CLEC12A: variants seen among roughly 807,000 people sequenced by gnomAD.
CLEC12A encodes the protein C-type lectin domain family 12 member A.
Under a neutral mutation model 26.5 loss-of-function variants are expected in CLEC12A, and 22 were observed. The observed-to-expected ratio is 0.83, with a 90% CI of 0.59 to 1.19. The LOEUF (loss-of-function observed/expected upper bound fraction) is 1.19. Ranked by LOEUF, CLEC12A falls within the 50% of genes most tolerant of loss-of-function variation. The probability of loss-of-function intolerance (pLI) is 0.00; values close to 1 mark genes in which losing one functional copy is unlikely to be tolerated. For missense variants in CLEC12A, 353 were observed against 315.6 expected, an observed-to-expected ratio of 1.12 and a Z score of -0.90; for synonymous variants, 119 against 101.9, an observed-to-expected ratio of 1.17 and a Z score of -1.01.
intron 1 of CLEC12A, among the ~76,000 whole-genome samples, chr12:9,971,913 A>G (rs1864143178): frequency 6.6e-6 from 1 of 152,128 alleles, no homozygotes; most frequent in African/African-American, 2.4e-5. Context: ...CATTTTTGAA[A>G]TTTTTTATTA....
chr12:9,989,242 T>C (rs999185373), downstream of CLEC12A, among the ~76,000 whole-genome samples: 43 of 151,156 alleles, frequency 2.8e-4, no homozygotes, highest in Non-Finnish European at 1.6e-4. Flanking sequence ...AGGGATAGCA[T>C]TAGGAGATAC....
upstream of CLEC12A, among the ~76,000 whole-genome samples, chr12:9,970,795 C>T (rs1193027085): frequency 1.3e-5 from 2 of 152,170 alleles, no homozygotes; most frequent in Non-Finnish European, 2.9e-5. Context: ...TATGCATACT[C>T]TCTGGTGTGG....
At chr12:9,982,556 A>T (rs1383810835) in intron 5 of CLEC12A, among the ~76,000 whole-genome samples, 1 of 152,130 alleles carries the variant, frequency 6.6e-6, no homozygotes, top group Non-Finnish European at 1.5e-5. Flanking sequence ...TAGTGTGATA[A>T]ATGCTTCAGT....
chr12:9,957,085 G>C (rs760107827), intron 1 of CLEC12A, among the ~76,000 whole-genome samples: 5 of 152,180 alleles, frequency 3.3e-5, no homozygotes, highest in Non-Finnish European at 5.9e-5. Context: ...TTTTGCCAAG[G>C]GTAGGGATAT....
chr12:9,998,151 C>T, downstream of CLEC12A: 2 of 685,044 alleles, frequency 2.9e-6, no homozygotes, highest in Non-Finnish European at 5.3e-6. Flanking sequence ...ATTCTCTTGG[C>T]AACTATCTGT....
intron 4 of CLEC12A, chr12:9,993,357 T>G (rs762072167): frequency 2.2e-6 from 3 of 1,336,972 alleles, no homozygotes; most frequent in East Asian, 2.3e-5. Flanking sequence ...ACTCTGCGTA[T>G]AGTAGTTTGA....
intron 1 of CLEC12A, chr12:9,952,066 C>T (rs1206239523): frequency 6.8e-6 from 1 of 146,198 alleles, no homozygotes; most frequent in Admixed American, 7.0e-5. Flanking sequence ...CTTTAAAAAT[C>T]AAACTGTCAG....
In CLEC12A at chr12:9,982,129, GGTAA is replaced by G. The variant is rs1591835408; in HGVS notation, c.641+3_641+6del. 6.8e-7 allele frequency: 1 copy of G among 1,480,176 alleles called. No homozygotes were observed. The highest frequency in any genetic ancestry group is 9.4e-7 in the Non-Finnish European group (1 of 1,059,452). 91.7% of individuals were successfully genotyped at this position (1,480,176 alleles called of 1,614,324 possible). A position where few individuals can be genotyped will look rare whatever the true frequency, so the allele number is the denominator to read the frequency against. ...GATAATATAATCAACTCCTCTGCCTGGTAAGTGTCTATTCTTGTTAGAATTTTAT... is the reference window on the plus strand; with the variant it reads ...GATAATATAATCAACTCCTCTGCCTGGTGTCTATTCTTGTTAGAATTTTAT... On this transcript the variant is annotated splice_donor_variant and splice_donor_region_variant and intron_variant, in intron 5 of 5. Coordinates refer to ENST00000304361, the MANE Select transcript of CLEC12A (RefSeq NM_138337.6). LOFTEE classifies it high-confidence loss of function.
intron 4 of CLEC12A, chr12:9,992,938 T>C: frequency 6.3e-6 from 3 of 479,510 alleles, no homozygotes; most frequent in Non-Finnish European, 1.1e-5. Context: ...AATAGAACAA[T>C]TGGGAAGCAA....
chr12:9,960,286 T>G (rs1863808480), intron 1 of CLEC12A, among the ~76,000 whole-genome samples: 1 of 152,224 alleles, frequency 6.6e-6, no homozygotes, highest in South Asian at 2.1e-4. Context: ...ATATGCATTT[T>G]TCAGTTATTA....
At position 9,980,526 on chromosome 12, in the gene CLEC12A, AT is replaced by A. The variant is rs1864514986; in HGVS notation, c.380-55del. On this transcript the variant is annotated intron_variant, in intron 3 of 5. Transcript: ENST00000304361. ...TGTCACACAGAGAGGAAAGGAAATAATAAGAATTATTATGACTATCAACAAA... is the reference window on the plus strand; with the variant it reads ...TGTCACACAGAGAGGAAAGGAAATAAAAGAATTATTATGACTATCAACAAA... 2.0e-6 allele frequency: 3 copies of A among 1,502,296 alleles called. No homozygotes were observed. In the East Asian group the frequency reaches 6.8e-5, roughly 34 times the overall value. The allele number at this position is 1,502,296 out of a possible 1,614,324, so 93.1% of individuals were successfully genotyped here.
chr12:9,954,202 C>CAAA (rs1431225106), intron 1 of CLEC12A, among the ~76,000 whole-genome samples: 1 of 47,684 alleles, frequency 2.1e-5, no homozygotes, highest in African/African-American at 1.2e-4. Flanking sequence ...CAAGAATTAT[C>CAAA]AATAAAAAAA....
At chr12:9,996,676 A>T, downstream of CLEC12A, 1 of 734,342 alleles carries the variant, frequency 1.4e-6, no homozygotes, top group East Asian at 2.7e-5. Flanking sequence ...GAATATTATG[A>T]GTGGATTGAA....
downstream of CLEC12A, chr12:9,996,694 G>T (rs1464215513): frequency 3.8e-6 from 3 of 782,544 alleles, no homozygotes; most frequent in Non-Finnish European, 6.7e-6. Context: ...GAATATCTGG[G>T]TTCTGTAATT....
chr12:9,979,255 C>CT (rs1402583625), intron 2 of CLEC12A, 81 bp from the exon 3 acceptor site: 1 of 1,185,610 alleles, frequency 8.4e-7, no homozygotes, highest in African/African-American at 1.5e-5. Context: ...CCCCTTTAAT[C>CT]TTTATACTAC....
At position 9,979,041 on chromosome 12, in the gene CLEC12A, G is replaced by A; in HGVS notation, c.167G>A (p.Gly56Glu). ...LTLLCLLLLI[G>E]LGVLASMFHV... is the part of the protein sequence containing the mutation. ...CTTCTGTGCCTTCTGTTGCTCATTG[G>A]ATTGGGAGTCTTGGCAAGCATGTGT... is the stretch of plus-strand genomic sequence containing the variant. The change falls in exon 2 of 6, where the codon GGA becomes GAA. Residue 56 changes from glycine (G) to glutamate (E), a missense_variant. By Grantham distance (98) the Gly-to-Glu change is moderately conservative (BLOSUM62 -2). Coordinates refer to ENST00000304361, the MANE Select transcript of CLEC12A (RefSeq NM_138337.6). The A allele has an allele frequency of 6.2e-7, 1 of 1,613,778 alleles. No individual in the cohort carries two copies.
At chr12:9,956,568 T>C (rs935190110) in intron 1 of CLEC12A, among the ~76,000 whole-genome samples, 1 of 152,184 alleles carries the variant, frequency 6.6e-6, no homozygotes, top group East Asian at 1.9e-4. Context: ...CAATTATTGG[T>C]TGTGCTCGAG....
chr12:10,000,458 T>A (rs112933488), downstream of CLEC12A, among the ~76,000 whole-genome samples: 1 of 152,124 alleles, frequency 6.6e-6, no homozygotes, highest in African/African-American at 2.4e-5. Flanking sequence ...AAAGCCAAAC[T>A]TAGTATGATT....
At chr12:9,980,542 C>T in intron 3 of CLEC12A, 40 bp from the exon 4 acceptor site, 1 of 1,582,152 alleles carries the variant, frequency 6.3e-7, no homozygotes. Flanking sequence ...ATTATTATGA[C>T]TATCAACAAA....
Sources: gnomAD v4.1 joint callset for allele counts (sites outside exome capture counted in the v4.1 genomes callset) on GRCh38, gnomAD v4.1.1 for gene constraint, MANE v1.5 for transcripts, NCBI Gene and HGNC (gene_info 2026-07-23, HGNC 2026-07-21) for gene names.